The following RARB variants were observed in gnomAD, a reference collection of about 807,000 sequenced individuals.
RARB encodes the protein HBV-activated protein.
RARB carries 17 observed loss-of-function variants against 51.9 expected under a neutral mutation model. The observed-to-expected ratio is 0.33, with a 90% CI of 0.22 to 0.49. RARB has a LOEUF of 0.49. Ranked by LOEUF, RARB falls within the 20% of genes least tolerant of loss-of-function variation. The probability of loss-of-function intolerance (pLI) is 0.99; values close to 1 mark genes in which losing one functional copy is unlikely to be tolerated. For missense variants in RARB, 369 were observed against 550.8 expected (o/e 0.67, Z 3.30); for synonymous variants, 215 against 195.4 (o/e 1.10, Z -0.84).
intron 5 of RARB, among the ~76,000 whole-genome samples, chr3:25,255,864 A>C (rs1283247651): frequency 6.6e-6 from 1 of 152,102 alleles, no homozygotes; most frequent in East Asian, 1.9e-4. Flanking sequence ...GTACTTGTTA[A>C]TTACTTTACG....
intron 2 of RARB, among the ~76,000 whole-genome samples, chr3:24,916,485 C>T (rs1307767601): frequency 6.6e-6 from 1 of 152,136 alleles, no homozygotes; most frequent in African/African-American, 2.4e-5. Context: ...TGAAAGCCCG[C>T]ATTGGTTATT....
At chr3:25,015,464 G>C (rs1470087336) in intron 2 of RARB, among the ~76,000 whole-genome samples, 1 of 152,148 alleles carries the variant, frequency 6.6e-6, no homozygotes, top group African/African-American at 2.4e-5. Flanking sequence ...CAGAGTGGAA[G>C]AGCTGGTTGA....
chr3:25,126,515 G>A (rs1010017717), intron 3 of RARB, among the ~76,000 whole-genome samples: 26 of 151,728 alleles, frequency 1.7e-4, no homozygotes, highest in Admixed American at 1.5e-3. Context: ...CGAAGGATAC[G>A]CTTCCAGTCT....
intron 2 of RARB, among the ~76,000 whole-genome samples, chr3:25,468,372 CTTT>C (rs34870919): frequency 6.1e-5 from 5 of 81,698 alleles, no homozygotes; most frequent in Admixed American, 2.8e-4. Flanking sequence ...GGCATTTGGG[CTTT>C]TTTTTTTTTT....
chr3:25,453,762 C>A (rs977495579), intron 1 of RARB, among the ~76,000 whole-genome samples: 3 of 152,114 alleles, frequency 2.0e-5, no homozygotes, highest in Non-Finnish European at 2.9e-5. Context: ...CCTGGTGACC[C>A]CGGCAAACAC....
At chr3:25,411,482 T>C (rs943331241) in intron 5 of RARB, among the ~76,000 whole-genome samples, 1 of 152,214 alleles carries the variant, frequency 6.6e-6, no homozygotes, top group African/African-American at 2.4e-5. Context: ...GAAATTAGGC[T>C]CTAGGCTCAG....
At chr3:25,297,516 G>A (rs1703944644) in intron 5 of RARB, among the ~76,000 whole-genome samples, 2 of 139,112 alleles carry the variant, frequency 1.4e-5, no homozygotes, top group South Asian at 4.8e-4. Flanking sequence ...AACATTATAT[G>A]AATTCATAAG....
At chr3:25,019,556 T>G (rs1160686335) in intron 2 of RARB, among the ~76,000 whole-genome samples, 1 of 152,176 alleles carries the variant, frequency 6.6e-6, no homozygotes, top group Non-Finnish European at 1.5e-5. Flanking sequence ...AAGCTTAATT[T>G]GCATTAATAC....
At chr3:25,319,467 A>T (rs965313961) in intron 5 of RARB, among the ~76,000 whole-genome samples, 1 of 152,164 alleles carries the variant, frequency 6.6e-6, no homozygotes. Context: ...ACTGTCATCA[A>T]TTCTCCTTCT....
upstream of RARB, among the ~76,000 whole-genome samples, chr3:25,424,607 A>G (rs17590440): frequency 0.021 from 3,266 of 152,336 alleles, 47 homozygotes; most frequent in Middle Eastern, 0.044. Flanking sequence ...GCATGTCTTT[A>G]AAACAATCAG....
intron 1 of RARB, among the ~76,000 whole-genome samples, chr3:24,837,422 GTTTAA>G (rs1426512097): frequency 1.3e-5 from 2 of 152,190 alleles, no homozygotes; most frequent in Non-Finnish European, 2.9e-5. Flanking sequence ...TGTGTTCTGC[GTTTAA>G]TTTGAGAACT....
At chr3:25,371,344 T>C (rs1039388260) in intron 5 of RARB, among the ~76,000 whole-genome samples, 2 of 152,142 alleles carry the variant, frequency 1.3e-5, no homozygotes, top group African/African-American at 4.8e-5. Context: ...GTAGCACCAT[T>C]CAACCTACTA....
At chr3:25,486,851 T>A (rs942436205) in intron 2 of RARB, among the ~76,000 whole-genome samples, 32 of 152,226 alleles carry the variant, frequency 2.1e-4, no homozygotes, top group Non-Finnish European at 3.2e-4. Flanking sequence ...CTCTGTATAA[T>A]TTTATTTCAA....
chr3:25,339,853 C>T (rs2125450097), intron 5 of RARB, among the ~76,000 whole-genome samples: 1 of 152,232 alleles, frequency 6.6e-6, no homozygotes, highest in Non-Finnish European at 1.5e-5. Context: ...GGGAAAAGAT[C>T]ATCCTCAACA....
chr3:25,466,210 G>A (rs1276399896), intron 2 of RARB, among the ~76,000 whole-genome samples: 4 of 152,084 alleles, frequency 2.6e-5, no homozygotes, highest in East Asian at 3.8e-4. Flanking sequence ...TTGTTGAGAC[G>A]GAGTTTCACT....
intron 5 of RARB, among the ~76,000 whole-genome samples, chr3:25,312,315 T>G (rs891922403): frequency 6.6e-6 from 1 of 152,220 alleles, no homozygotes; most frequent in African/African-American, 2.4e-5. Context: ...CTGTTTGATT[T>G]GATTCTCAAA....
chr3:25,513,471 TAG>T (rs1194143036), intron 3 of RARB, among the ~76,000 whole-genome samples: 1 of 152,128 alleles, frequency 6.6e-6, no homozygotes, highest in East Asian at 1.9e-4. Context: ...AAGAAAACAT[TAG>T]GTCTTATTGA....
chr3:25,498,640 A>G lies in RARB; in HGVS notation c.307-2542A>G, dbSNP rs1002940145. On this transcript the variant is annotated intron_variant, in intron 2 of 7. Transcript: ENST00000330688. ...TTCTCTGGTCTTCTTTCATTTGAGC[A>G]TCGTGAGATTGTTCTTCTCTCCTTT... 3.9e-5 allele frequency among the ~76,000 whole-genome samples: 6 copies of G among 152,124 alleles called. No homozygotes were observed. In the South Asian group the frequency reaches 6.2e-4, roughly 16 times the overall value.
intron 5 of RARB, among the ~76,000 whole-genome samples, chr3:25,408,062 T>A (rs1373045721): frequency 1.3e-5 from 2 of 152,172 alleles, no homozygotes. Context: ...ATCTTCCGTA[T>A]AAACCACTTA....
Sources: gnomAD v4.1 joint callset for allele counts (sites outside exome capture counted in the v4.1 genomes callset) on GRCh38, gnomAD v4.1.1 for gene constraint, MANE v1.5 for transcripts, NCBI Gene and HGNC (gene_info 2026-07-23, HGNC 2026-07-21) for gene names.